The following DDX10 variants were observed in gnomAD, a reference collection of about 807,000 sequenced individuals.
DDX10 encodes DEAD-box helicase 10.
Under a neutral mutation model 104.3 loss-of-function variants are expected in DDX10, and 74 were observed. That is an observed-to-expected ratio of 0.71 (90% CI 0.59 to 0.86). DDX10 has a LOEUF of 0.86. Ranked by LOEUF, DDX10 falls within the 40% of genes least tolerant of loss-of-function variation. The probability of loss-of-function intolerance (pLI) is 0.00; values close to 1 mark genes in which losing one functional copy is unlikely to be tolerated. For missense variants in DDX10, 952 were observed against 1,040.0 expected, an observed-to-expected ratio of 0.92 and a Z score of 1.16; for synonymous variants, 351 against 353.4, an observed-to-expected ratio of 0.99 and a Z score of 0.08.
chr11:108,687,510 C>T (rs1391369735), intron 6 of DDX10, among the ~76,000 whole-genome samples: 1 of 152,038 alleles, frequency 6.6e-6, no homozygotes, highest in Non-Finnish European at 1.5e-5. Context: ...GGGGTTTCAC[C>T]ATGTTGCCCA....
At position 108,883,861 on chromosome 11, in the gene DDX10, A is replaced by G. The variant is rs912782130; in HGVS notation, c.2304+31652A>G. 2.6e-5 allele frequency among the ~76,000 whole-genome samples: 4 copies of G among 152,138 alleles called. No individual in the cohort carries two copies. The East Asian group carries it at 5.8e-4, about 22-fold the overall frequency. Reference sequence around the variant, plus strand: ...CCTTCTTCAGTAAACTTCAGGATATAAAGTTCTCCTGATTTTTCCATTTAC... The same window carrying G: ...CCTTCTTCAGTAAACTTCAGGATATGAAGTTCTCCTGATTTTTCCATTTAC... On this transcript the variant is annotated intron_variant, in intron 16 of 17. Transcript: ENST00000322536.
At chr11:108,797,459 C>T in intron 13 of DDX10, among the ~76,000 whole-genome samples, 1 of 152,058 alleles carries the variant, frequency 6.6e-6, no homozygotes, top group East Asian at 1.9e-4. Context: ...TCCCAAGCTG[C>T]AGTAGAGATG....
At chr11:108,921,153 T>C (rs1278162469) in intron 17 of DDX10, 1 of 152,258 alleles carries the variant, frequency 6.6e-6, no homozygotes, top group African/African-American at 2.4e-5. Flanking sequence ...AGCCTACATC[T>C]GTAATTTCTA....
At chr11:108,848,534 A>G (rs1294197504) in intron 15 of DDX10, among the ~76,000 whole-genome samples, 1 of 152,120 alleles carries the variant, frequency 6.6e-6, no homozygotes, top group Non-Finnish European at 1.5e-5. Context: ...ATGGAAGCCA[A>G]CCTGTTGCTA....
At chr11:108,675,460 T>C (rs937521264) in intron 2 of DDX10, 136 bp from the exon 3 acceptor site, 7 of 924,610 alleles carry the variant, frequency 7.6e-6, no homozygotes, top group Non-Finnish European at 1.1e-5. Flanking sequence ...AGGCCCTGTC[T>C]CCAAGTATAG....
At chr11:108,844,845 T>C (rs1485588467) in intron 15 of DDX10, among the ~76,000 whole-genome samples, 3 of 152,190 alleles carry the variant, frequency 2.0e-5, no homozygotes, top group South Asian at 2.1e-4. Flanking sequence ...AAAATAAAAT[T>C]TTGATTTGTA....
rs1303634377 is a variant in DDX10, at chr11:108,665,228, A to G, written c.75A>G (p.Lys25=). 2.5e-6 allele frequency: 4 copies of G among 1,613,362 alleles called. No homozygotes were observed. Among genetic ancestry groups the G allele is most frequent in the Non-Finnish European group, 3.4e-6 (4 of 1,179,810 alleles). Residue 25 remains lysine (K), a synonymous_variant, in exon 1 of 18, where the codon AAA becomes AAG. Coordinates refer to ENST00000322536, the MANE Select transcript of DDX10 (RefSeq NM_004398.4). ...DPVRSFNRWK[K]KHSHRQNKKK... is the part of the protein sequence containing the mutation. Reference sequence around the variant, plus strand: ...TGCGGAGCTTCAATCGCTGGAAGAAAAAACACAGCCATAGGCAGAACAAAA... The same window carrying G: ...TGCGGAGCTTCAATCGCTGGAAGAAGAAACACAGCCATAGGCAGAACAAAA...
At chr11:108,890,583 G>T (rs571921351) in intron 16 of DDX10, among the ~76,000 whole-genome samples, 1 of 148,876 alleles carries the variant, frequency 6.7e-6, no homozygotes, top group African/African-American at 2.5e-5. Flanking sequence ...AAAAAAAAAA[G>T]GCCTCTACCC....
chr11:108,775,613 A>G (rs1298088069), intron 13 of DDX10, among the ~76,000 whole-genome samples: 3 of 152,338 alleles, frequency 2.0e-5, no homozygotes, highest in South Asian at 2.1e-4. Context: ...TGCTTCCTAA[A>G]TACTATTTAA....
intron 13 of DDX10, among the ~76,000 whole-genome samples, chr11:108,789,880 C>T (rs1861847219): frequency 6.6e-6 from 1 of 152,206 alleles, no homozygotes; most frequent in African/African-American, 2.4e-5. Flanking sequence ...CTTAGTTCCT[C>T]ATTGATTTGG....
intron 16 of DDX10, among the ~76,000 whole-genome samples, chr11:108,896,354 A>ATTTTTTTTTTTTTTTTTTT (rs11447538): frequency 6.7e-6 from 1 of 148,524 alleles, no homozygotes. Context: ...TCCTTCACAT[A>ATTTTTTTTTTTTTTTTTTT]TTTTTTTTTT....
chr11:108,874,304 G>T (rs985296189), intron 16 of DDX10, among the ~76,000 whole-genome samples: 2 of 152,108 alleles, frequency 1.3e-5, no homozygotes, highest in African/African-American at 4.8e-5. Context: ...CCCTCATGAG[G>T]GAAGTGTGCT....
intron 16 of DDX10, among the ~76,000 whole-genome samples, chr11:108,887,358 C>G (rs916346872): frequency 6.6e-6 from 1 of 151,520 alleles, no homozygotes; most frequent in African/African-American, 2.4e-5. Context: ...TTTTAAAAAA[C>G]CTTAGAAATA....
chr11:108,896,281 A>G (rs527970278), intron 16 of DDX10, among the ~76,000 whole-genome samples: 1 of 152,248 alleles, frequency 6.6e-6, no homozygotes, highest in African/African-American at 2.4e-5. Flanking sequence ...TGTGAATCCA[A>G]CGTGGCAGAT....
intron 13 of DDX10, among the ~76,000 whole-genome samples, chr11:108,837,642 T>TTTTTTTTTTA (rs1862575101): frequency 8.6e-6 from 1 of 116,268 alleles, no homozygotes; most frequent in African/African-American, 3.4e-5. Context: ...TTTTTTTTTT[T>TTTTTTTTTTA]AGGCAAAGCC....
chr11:108,774,729 A>T lies in DDX10; in HGVS notation c.1965+51267A>T, dbSNP rs557181480. Among the ~76,000 whole-genome samples the T allele has an allele frequency of 4.6e-5, 7 of 152,206 alleles. No homozygotes were observed. The South Asian group carries it at 1.0e-3, about 23-fold the overall frequency. On this transcript the variant is annotated intron_variant, in intron 13 of 17. Transcript: ENST00000322536. ...CCAGCCAAGAAGACTTTTCAGCTGTATTTTTTATAGTTTGTATGATGGAGA... is the reference window on the plus strand; with the variant it reads ...CCAGCCAAGAAGACTTTTCAGCTGTTTTTTTTATAGTTTGTATGATGGAGA...
chr11:108,728,504 CTTTTTTT>C lies in DDX10; in HGVS notation c.1965+5063_1965+5069del, dbSNP rs71050884. Among the ~76,000 whole-genome samples the C allele has an allele frequency of 3.7e-3, 446 of 121,786 alleles. 3 individuals carry two copies. The highest frequency in any genetic ancestry group is 7.0e-3 in the East Asian group (30 of 4,290). The allele number at this position is 121,786 out of a possible 152,430, so 79.9% of individuals were successfully genotyped here. A position where few individuals can be genotyped will look rare whatever the true frequency, so the allele number is the denominator to read the frequency against. ...TTTTAAGTATACATACACATTTGTT[CTTTTTTT>C]TTTTTTTTTTTTTTTTTTTTAGAAA... On this transcript the variant is annotated intron_variant, in intron 13 of 17. Coordinates refer to ENST00000322536, the MANE Select transcript of DDX10 (RefSeq NM_004398.4).
intron 15 of DDX10, among the ~76,000 whole-genome samples, chr11:108,842,050 C>T (rs985599541): frequency 5.3e-5 from 8 of 152,084 alleles, no homozygotes; most frequent in Non-Finnish European, 8.8e-5. Flanking sequence ...ATTTCCATAT[C>T]AATTACTTGA....
intron 9 of DDX10, among the ~76,000 whole-genome samples, chr11:108,704,663 T>C (rs2094273390): frequency 6.6e-6 from 1 of 152,238 alleles, no homozygotes; most frequent in Non-Finnish European, 1.5e-5. Context: ...TTTAAATTCA[T>C]AATTTTGTTA....
Sources: allele counts gnomAD v4.1 joint callset (sites outside exome capture counted in the v4.1 genomes callset), GRCh38; gene constraint gnomAD v4.1.1; transcripts MANE v1.5; gene names NCBI Gene and HGNC (gene_info 2026-07-23, HGNC 2026-07-21).